MIA2: variants seen among roughly 807,000 people sequenced by gnomAD.
The protein encoded by MIA2 is melanoma inhibitory activity protein 2.
Under a neutral mutation model 167.8 loss-of-function variants are expected in MIA2, and 127 were observed. The observed-to-expected ratio is 0.76, with a 90% CI of 0.66 to 0.88. The LOEUF (loss-of-function observed/expected upper bound fraction) is 0.88, where lower values mean the gene tolerates loss of function less well. Ranked by LOEUF, MIA2 falls within the 40% of genes least tolerant of loss-of-function variation. The probability of loss-of-function intolerance (pLI) is 0.00; values close to 1 mark genes in which losing one functional copy is unlikely to be tolerated. For missense variants in MIA2, 1,690 were observed against 1,624.7 expected, an observed-to-expected ratio of 1.04 and a Z score of -0.69; for synonymous variants, 552 against 541.9, an observed-to-expected ratio of 1.02 and a Z score of -0.26.
At chr14:39,353,355 C>G (rs2074440613), downstream of MIA2, among the ~76,000 whole-genome samples, 1 of 152,130 alleles carries the variant, frequency 6.6e-6, no homozygotes, top group Admixed American at 6.6e-5. Flanking sequence ...ACCCAAAAGC[C>G]CTTTCCAGTC....
chr14:39,364,556 C>G lies in MIA2; in HGVS notation c.2248+15579C>G, dbSNP rs144479926. ...TATTTTCATGGTGATAGGTTTTGTC[C>G]TTTCCCTTCCATTTATAGGACTCCC... On this transcript the variant is annotated intron_variant, in intron 23 of 23. Transcript: ENST00000341502. 7.6e-3 allele frequency among the ~76,000 whole-genome samples: 1,150 copies of G among 151,808 alleles called. 13 individuals are homozygous for G. Among genetic ancestry groups the G allele is most frequent in the African/African-American group, 0.027 (1,100 of 41,414 alleles).
intron 10 of MIA2, among the ~76,000 whole-genome samples, chr14:39,292,917 C>T (rs1314792816): frequency 6.6e-6 from 1 of 151,864 alleles, no homozygotes; most frequent in Non-Finnish European, 1.5e-5. Flanking sequence ...TGCTTTTAAG[C>T]AGAGGTTGGC....
chr14:39,369,800 T>C (rs1314081983), intron 23 of MIA2, among the ~76,000 whole-genome samples: 1 of 152,196 alleles, frequency 6.6e-6, no homozygotes, highest in Non-Finnish European at 1.5e-5. Flanking sequence ...GCGACATGAA[T>C]AGGTAAAAGT....
At chr14:39,320,842 G>C in intron 23 of MIA2, 86 bp from the exon 24 acceptor site, 2 of 1,427,152 alleles carry the variant, frequency 1.4e-6, no homozygotes, top group South Asian at 2.6e-5. Context: ...AGGATGACCT[G>C]ATGGTAATTG....
rs548370502 is a variant in MIA2, at chr14:39,292,839, A to G, written c.2209-432A>G. 8.8e-4 allele frequency: 146 copies of G among 166,498 alleles called. 1 individual carries two copies. Among genetic ancestry groups the G allele is most frequent in the Admixed American group, 5.1e-3 (79 of 15,546 alleles). The allele number at this position is 166,498 out of a possible 1,614,324, so 10.3% of individuals were successfully genotyped here. A position where few individuals can be genotyped will look rare whatever the true frequency, so the allele number is the denominator to read the frequency against. ...CATGAAGCAGCCTTGATTTTTTTTT[A>G]GTTGATTTTTTATGTCATGCCTTTA... On this transcript the variant is annotated intron_variant, in intron 10 of 28. Transcript: ENST00000640607.
exon 24 of MIA2, chr14:39,387,030 C>T (rs2075283665): frequency 1.4e-6 from 1 of 717,888 alleles, no homozygotes. Flanking sequence ...AGCCAGAAGG[C>T]CCTACAGTGC....
chr14:39,249,319 A>G (rs375160504), intron 4 of MIA2, among the ~76,000 whole-genome samples: 1 of 151,882 alleles, frequency 6.6e-6, no homozygotes, highest in African/African-American at 2.4e-5. Context: ...TTATTTTTAT[A>G]TGTCGTGGAG....
intron 23 of MIA2, among the ~76,000 whole-genome samples, chr14:39,373,883 C>T (rs1259223310): frequency 1.3e-5 from 2 of 151,988 alleles, no homozygotes; most frequent in Non-Finnish European, 2.9e-5. Context: ...AAACTCTGGC[C>T]AGGTGCAGTG....
intron 6 of MIA2, chr14:39,269,073 AG>A (rs2056598976): frequency 1.2e-4 from 45 of 362,030 alleles, no homozygotes; most frequent in Non-Finnish European, 1.4e-4. Context: ...TCACCTGCAC[AG>A]TTTTTTTTTT....
At position 39,314,721 on chromosome 14, in the gene MIA2, A is replaced by T. The variant is rs2065022948; in HGVS notation, c.3120-18A>T. 1 of 1,598,932 alleles carries T rather than the reference A, an allele frequency of 6.3e-7. No individual in the cohort carries two copies. Among genetic ancestry groups the T allele is most frequent in the Non-Finnish European group, 8.5e-7 (1 of 1,170,066 alleles). On this transcript the variant is annotated intron_variant, in intron 19 of 28. Coordinates refer to ENST00000640607, the MANE Select transcript of MIA2 (RefSeq NM_001329214.4). ...CATGTTATATGTTAATAGTAGAATA[A>T]TTATTCGTTCCATTTAGAAAGCGAG... is the stretch of plus-strand genomic sequence containing the variant.
chr14:39,358,002 G>A (rs531600187), intron 23 of MIA2, among the ~76,000 whole-genome samples: 34 of 152,034 alleles, frequency 2.2e-4, no homozygotes, highest in African/African-American at 4.8e-4. Context: ...CCTTCATTTC[G>A]ACTTTGGTGA....
At chr14:39,381,592 C>T (rs1301032448) in intron 23 of MIA2, among the ~76,000 whole-genome samples, 3 of 151,826 alleles carry the variant, frequency 2.0e-5, no homozygotes, top group Non-Finnish European at 2.9e-5. Flanking sequence ...CTTTCGGTTT[C>T]GCTTGGCTAG....
intron 6 of MIA2, among the ~76,000 whole-genome samples, chr14:39,272,283 C>T (rs536543973): frequency 4.6e-5 from 7 of 152,070 alleles, no homozygotes; most frequent in Non-Finnish European, 7.4e-5. Flanking sequence ...ACCCGGGAGG[C>T]GGAGGTTGCC....
At chr14:39,365,321 C>T (rs1477406132) in intron 23 of MIA2, among the ~76,000 whole-genome samples, 1 of 152,152 alleles carries the variant, frequency 6.6e-6, no homozygotes, top group Non-Finnish European at 1.5e-5. Context: ...CTGCCTCAGC[C>T]TCTCAAAGTG....
At chr14:39,331,156 A>G (rs955399203) in intron 25 of MIA2, among the ~76,000 whole-genome samples, 2 of 152,174 alleles carry the variant, frequency 1.3e-5, no homozygotes, top group African/African-American at 4.8e-5. Flanking sequence ...TTGGGTGCAT[A>G]TATAATTAGG....
At chr14:39,309,336 TTA>T (rs1472923837) in intron 18 of MIA2, among the ~76,000 whole-genome samples, 1 of 152,172 alleles carries the variant, frequency 6.6e-6, no homozygotes, top group Non-Finnish European at 1.5e-5. Flanking sequence ...CCCACAGCTT[TTA>T]TATCTTGGCC....
chr14:39,293,452 CT>C, intron 11 of MIA2, 71 bp downstream of exon 11: 1 of 1,039,916 alleles, frequency 9.6e-7, no homozygotes, highest in Non-Finnish European at 1.4e-6. Context: ...TAATATGATA[CT>C]GGTTAAAGTA....
chr14:39,317,536 A>G (rs889612592), intron 21 of MIA2, among the ~76,000 whole-genome samples: 4 of 152,110 alleles, frequency 2.6e-5, no homozygotes, highest in African/African-American at 9.7e-5. Context: ...CATGGCTCAC[A>G]CTGTCAACTT....
chr14:39,356,922 TG>T (rs1380744248), intron 23 of MIA2, among the ~76,000 whole-genome samples: 1 of 152,236 alleles, frequency 6.6e-6, no homozygotes, highest in African/African-American at 2.4e-5. Context: ...AGAGAAAGTT[TG>T]TTATAATTTC....
Sources: allele counts gnomAD v4.1 joint callset (sites outside exome capture counted in the v4.1 genomes callset), GRCh38; gene constraint gnomAD v4.1.1; transcripts MANE v1.5; gene names NCBI Gene and HGNC (gene_info 2026-07-23, HGNC 2026-07-21).